The following CACNA1E variants were observed in gnomAD, a reference collection of about 807,000 sequenced individuals.
The protein encoded by CACNA1E is calcium voltage-gated channel subunit alpha1 E, also known as voltage-dependent R-type calcium channel subunit alpha-1E.
A neutral mutation model predicts 259.2 loss-of-function variants in CACNA1E; 40 were observed. That is an observed-to-expected ratio of 0.15 (90% confidence interval 0.12 to 0.20). The LOEUF is 0.20. CACNA1E is among the 10% of genes least tolerant of loss of function. CACNA1E has a pLI of 1.00. For missense variants in CACNA1E, 1,874 were observed against 3,040.1 expected (o/e 0.62, Z 9.02); for synonymous variants, 1,104 against 1,138.5 (o/e 0.97, Z 0.61).
intron 2 of CACNA1E, among the ~76,000 whole-genome samples, chr1:181,477,582 T>G (rs1014305056): frequency 5.3e-5 from 8 of 152,052 alleles, no homozygotes; most frequent in Non-Finnish European, 1.5e-5. Flanking sequence ...TCTCTACTAT[T>G]TTTTTTTCCT....
At chr1:181,548,618 A>T (rs1647788896) in intron 3 of CACNA1E, among the ~76,000 whole-genome samples, 1 of 152,188 alleles carries the variant, frequency 6.6e-6, no homozygotes, top group African/African-American at 2.4e-5. Flanking sequence ...TATTATGAAT[A>T]ATGACAGAGT....
At chr1:181,742,346 A>C (rs191314033) in intron 25 of CACNA1E, among the ~76,000 whole-genome samples, 1 of 152,274 alleles carries the variant, frequency 6.6e-6, no homozygotes, top group African/African-American at 2.4e-5. Flanking sequence ...CAGAAAGCCA[A>C]ATGTGGGGTT....
intron 6 of CACNA1E, among the ~76,000 whole-genome samples, chr1:181,638,027 G>A (rs940615321): frequency 6.6e-6 from 1 of 152,204 alleles, no homozygotes; most frequent in Non-Finnish European, 1.5e-5. Flanking sequence ...CATGGTAGGG[G>A]ATTGGCATGG....
At chr1:181,667,816 G>A (rs2102177113) in intron 7 of CACNA1E, among the ~76,000 whole-genome samples, 1 of 152,014 alleles carries the variant, frequency 6.6e-6, no homozygotes, top group South Asian at 2.1e-4. Context: ...AGCTGTTGAA[G>A]CTGGCAATGT....
At chr1:181,660,104 A>G (rs918638930) in intron 7 of CACNA1E, among the ~76,000 whole-genome samples, 2 of 152,236 alleles carry the variant, frequency 1.3e-5, no homozygotes, top group Non-Finnish European at 2.9e-5. Flanking sequence ...GCCAAGACCC[A>G]CTGTCAAGGT....
At chr1:181,538,825 C>G (rs539734491) in intron 3 of CACNA1E, among the ~76,000 whole-genome samples, 3 of 152,156 alleles carry the variant, frequency 2.0e-5, no homozygotes, top group Non-Finnish European at 4.4e-5. Flanking sequence ...AAAATCTGTT[C>G]AGTGATATAG....
chr1:181,726,599 A>G (rs150477212), intron 18 of CACNA1E, among the ~76,000 whole-genome samples: 3,074 of 152,134 alleles, frequency 0.02, 35 homozygotes, highest in Middle Eastern at 0.034. Flanking sequence ...AGAAAGGGCC[A>G]GGGAGGGGGC....
intron 6 of CACNA1E, among the ~76,000 whole-genome samples, chr1:181,627,737 C>G (rs764165028): frequency 2.0e-5 from 3 of 152,202 alleles, no homozygotes; most frequent in African/African-American, 7.2e-5. Flanking sequence ...AATTGTGTCA[C>G]TAACATGCTT....
chr1:181,721,674 C>T lies in CACNA1E; in HGVS notation c.1957-84C>T, dbSNP rs1654428985. 3 of 742,762 alleles carry T rather than the reference C, an allele frequency of 4.0e-6. No individual in the cohort carries two copies. The South Asian group carries it at 5.6e-5, about 14-fold the overall frequency. 46.0% of individuals were successfully genotyped at this position (742,762 alleles called of 1,614,324 possible). A position where few individuals can be genotyped will look rare whatever the true frequency, so the allele number is the denominator to read the frequency against. ...AGCAAGGGGGTAGATGCAAAAGACC[C>T]AGGCCCAGAATTTGCCCTTGGCATT... On this transcript the variant is annotated intron_variant, in intron 15 of 47. Transcript: ENST00000367573.
intron 2 of CACNA1E, among the ~76,000 whole-genome samples, chr1:181,457,547 C>T (rs1661538788): frequency 6.6e-6 from 1 of 152,198 alleles, no homozygotes; most frequent in African/African-American, 2.4e-5. Flanking sequence ...ACTGGTCTTA[C>T]TTGGTGCTGG....
intron 1 of CACNA1E, among the ~76,000 whole-genome samples, chr1:181,376,858 T>A (rs1171577531): frequency 4.6e-5 from 7 of 152,120 alleles, no homozygotes. Context: ...TGGAGTTTTG[T>A]GGCCTTTGCT....
intron 1 of CACNA1E, among the ~76,000 whole-genome samples, chr1:181,402,467 T>C (rs1657168602): frequency 1.3e-5 from 2 of 152,228 alleles, no homozygotes; most frequent in African/African-American, 4.8e-5. Flanking sequence ...TCACAAAGGA[T>C]GATCCACCTC....
At chr1:181,467,996 A>G (rs1323602114) in intron 2 of CACNA1E, among the ~76,000 whole-genome samples, 1 of 152,186 alleles carries the variant, frequency 6.6e-6, no homozygotes, top group Non-Finnish European at 1.5e-5. Context: ...TGACTCAGAA[A>G]TGCCAATAAT....
intron 26 of CACNA1E, 145 bp downstream of exon 26, chr1:181,750,632 T>A (rs1657510475): frequency 2.7e-6 from 2 of 730,544 alleles, no homozygotes; most frequent in Admixed American, 5.0e-5. Flanking sequence ...AAATTAGGAG[T>A]CACCAAGCCT....
At chr1:181,397,549 C>T (rs1275445446) in intron 1 of CACNA1E, among the ~76,000 whole-genome samples, 3 of 152,162 alleles carry the variant, frequency 2.0e-5, no homozygotes, top group Non-Finnish European at 4.4e-5. Flanking sequence ...CCGCCTGCCT[C>T]GGCCTCCCAA....
intron 3 of CACNA1E, among the ~76,000 whole-genome samples, chr1:181,520,416 A>G (rs1021637115): frequency 1.3e-5 from 2 of 152,316 alleles, no homozygotes; most frequent in African/African-American, 4.8e-5. Context: ...ATAAAGATAA[A>G]TGTTAAAATA....
intron 2 of CACNA1E, among the ~76,000 whole-genome samples, chr1:181,448,221 A>C (rs868747736): frequency 2.4e-4 from 37 of 152,256 alleles, no homozygotes; most frequent in Admixed American, 6.5e-4. Context: ...TCTAGAGGTT[A>C]CAATGGGGAG....
intron 1 of CACNA1E, among the ~76,000 whole-genome samples, chr1:181,509,126 G>A (rs1013352476): frequency 1.3e-5 from 2 of 152,128 alleles, no homozygotes; most frequent in Non-Finnish European, 2.9e-5. Context: ...AGGATTAAGA[G>A]AAGGACTAGG....
intron 1 of CACNA1E, among the ~76,000 whole-genome samples, chr1:181,402,261 TGAA>T (rs897654023): frequency 6.6e-5 from 10 of 152,256 alleles, no homozygotes; most frequent in African/African-American, 2.2e-4. Flanking sequence ...AATATTATGG[TGAA>T]GACAGGAATT....
Sources: gnomAD v4.1 joint callset for allele counts (sites outside exome capture counted in the v4.1 genomes callset) on GRCh38, gnomAD v4.1.1 for gene constraint, MANE v1.5 for transcripts, NCBI Gene and HGNC (gene_info 2026-07-23, HGNC 2026-07-21) for gene names.